Variants in GMEB1 observed in about 807,000 individuals in gnomAD.
GMEB1 encodes the protein glucocorticoid modulatory element binding protein 1.
Under a neutral mutation model 52.4 loss-of-function variants are expected in GMEB1, and 6 were observed. That is an observed-to-expected ratio of 0.11 (90% CI 0.06 to 0.23). The LOEUF is 0.23. Ranked by LOEUF, GMEB1 falls within the 10% of genes least tolerant of loss-of-function variation. The probability of loss-of-function intolerance (pLI) is 1.00; values close to 1 mark genes in which losing one functional copy is unlikely to be tolerated. For missense variants in GMEB1, 486 were observed against 685.6 expected, an observed-to-expected ratio of 0.71 and a Z score of 3.25; for synonymous variants, 255 against 244.9, an observed-to-expected ratio of 1.04 and a Z score of -0.38.
At position 28,690,206 on chromosome 1, in the gene GMEB1, T is replaced by C; in HGVS notation, c.211+20T>C. ...GGATTGGTAAGGGTTTTTTTGTGTT[T>C]TTTTTTTTTTTTTTTTTTGTCATTC... is the stretch of plus-strand genomic sequence containing the variant. On this transcript the variant is annotated intron_variant, in intron 3 of 9. Coordinates refer to ENST00000373816, the MANE Select transcript of GMEB1 (RefSeq NM_001319674.2). The C allele has an allele frequency of 1.2e-6, 1 of 828,696 alleles. No homozygotes were observed. Among genetic ancestry groups the C allele is most frequent in the Non-Finnish European group, 1.8e-6 (1 of 559,228 alleles). The allele number at this position is 828,696 out of a possible 1,614,324, so 51.3% of individuals were successfully genotyped here.
At position 28,702,407 on chromosome 1, in the gene GMEB1, A is replaced by C. The variant is rs776786482; in HGVS notation, c.599-31A>C. ...TAGCTATAACTTTTTCGTTAAATTC[A>C]CTGTTCTCACCTCTACTGGACTGTT... On this transcript the variant is annotated intron_variant, in intron 6 of 9. Transcript: ENST00000373816. The C allele has an allele frequency of 2.5e-6, 4 of 1,597,412 alleles. No individual in the cohort carries two copies. In the South Asian group the frequency reaches 4.4e-5, roughly 18 times the overall value.
chr1:28,671,586 C>CA (rs1668886261), intron 1 of GMEB1, among the ~76,000 whole-genome samples: 1 of 151,812 alleles, frequency 6.6e-6, no homozygotes, highest in East Asian at 1.9e-4. Flanking sequence ...CAAAAAATGA[C>CA]AAAAATTAGA....
At position 28,683,688 on chromosome 1, in the gene GMEB1, C is replaced by T; in HGVS notation, c.76C>T (p.Pro26Ser). 6.2e-7 allele frequency: 1 copy of T among 1,611,802 alleles called. No individual in the cohort carries two copies. Among genetic ancestry groups the T allele is most frequent in the Non-Finnish European group, 8.5e-7 (1 of 1,179,070 alleles). The change falls in exon 2 of 10, where the codon CCT becomes TCT. Residue 26 changes from proline to serine, a missense_variant. Pro to Ser is a moderately conservative substitution (Grantham distance 74, BLOSUM62 -1). This residue lies in a region of GMEB1 where 88 missense variants were observed against 96.5 expected (regional missense o/e 0.91). Transcript: ENST00000373816. ...TACTGAAGGAAATGAAGGGGAGAAT[C>T]CTGAAGACACTAAAACCCAAGTGAT... ...VPTEGNEGEN[P>S]EDTKTQVILQ... is the part of the protein sequence containing the mutation.
intron 6 of GMEB1, among the ~76,000 whole-genome samples, chr1:28,700,941 A>G (rs543142261): frequency 6.6e-6 from 1 of 152,164 alleles, no homozygotes; most frequent in African/African-American, 2.4e-5. Context: ...TTTCCCAACC[A>G]AACATGGATG....
chr1:28,675,684 A>G (rs1294104989), intron 1 of GMEB1, among the ~76,000 whole-genome samples: 1 of 151,678 alleles, frequency 6.6e-6, no homozygotes, highest in Non-Finnish European at 1.5e-5. Context: ...TGTCTCAAAA[A>G]AAAAAAAAAA....
intron 1 of GMEB1, among the ~76,000 whole-genome samples, chr1:28,672,858 G>A (rs781150114): frequency 1.3e-5 from 2 of 150,276 alleles, no homozygotes; most frequent in Non-Finnish European, 2.9e-5. Flanking sequence ...TCCTGCCTCA[G>A]CCTCCCGAGT....
At chr1:28,681,217 G>C (rs9426394) in intron 1 of GMEB1, among the ~76,000 whole-genome samples, 1 of 152,104 alleles carries the variant, frequency 6.6e-6, no homozygotes, top group South Asian at 2.1e-4. Context: ...CCCCAAGGAA[G>C]TGATGTTTCA....
At chr1:28,708,058 C>T (rs753988572) in intron 8 of GMEB1, among the ~76,000 whole-genome samples, 1 of 152,184 alleles carries the variant, frequency 6.6e-6, no homozygotes, top group Non-Finnish European at 1.5e-5. Context: ...ACCACCACAC[C>T]TGGCTAATAT....
rs369717346 is a variant in GMEB1 at position 28,710,668 on chromosome 1, C to T, written c.991+26C>T. On this transcript the variant is annotated intron_variant, in intron 9 of 9. Transcript: ENST00000373816. ...GTATGTATAAGTTATCGCTCTTCTT[C>T]GGTGATATCATGCTAATATTCTTGT... 49 of 1,464,892 alleles carry T rather than the reference C, an allele frequency of 3.3e-5. No individual in the cohort carries two copies. In the African/African-American group the frequency reaches 3.7e-4, roughly 11 times the overall value. 90.7% of individuals were successfully genotyped at this position (1,464,892 alleles called of 1,614,324 possible). A position where few individuals can be genotyped will look rare whatever the true frequency, so the allele number is the denominator to read the frequency against.
chr1:28,675,019 T>TTC, intron 1 of GMEB1, among the ~76,000 whole-genome samples: 1 of 39,652 alleles, frequency 2.5e-5, no homozygotes, highest in African/African-American at 8.0e-5. Flanking sequence ...GCGCCCGGCC[T>TTC]TTTTTTTTTT....
At chr1:28,708,436 T>C (rs2124579535) in intron 8 of GMEB1, among the ~76,000 whole-genome samples, 1 of 151,820 alleles carries the variant, frequency 6.6e-6, no homozygotes, top group African/African-American at 2.4e-5. Flanking sequence ...AGTGCTGGGA[T>C]TACAGGCATG....
In GMEB1 at chr1:28,702,511, C is replaced by T. The variant is rs559934234; in HGVS notation, c.672C>T (p.Thr224=). The part of the protein sequence containing the change: ...EAGLEWNSAL[T]AAVTMATEEG... ...GGCTGGAATGGAACTCAGCTCTCAC[C>T]GCTGCTGTCACCATGGCCACGGAGG... Residue 224 remains threonine, a synonymous_variant, in exon 7 of 10, where the codon ACC becomes ACT. Coordinates refer to ENST00000373816, the MANE Select transcript of GMEB1 (RefSeq NM_001319674.2). 2.2e-5 allele frequency: 35 copies of T among 1,613,502 alleles called. No homozygotes were observed. Among genetic ancestry groups the T allele is most frequent in the South Asian group, 4.4e-5 (4 of 91,072 alleles).
Position 28,717,613 on chromosome 1 carries a change from C to T in GMEB1, c.*2840C>T, listed in dbSNP as rs1671308631. The T allele has an allele frequency of 6.6e-6, 1 of 152,224 alleles. No individual in the cohort carries two copies. The highest frequency in any genetic ancestry group is 2.4e-5 in the African/African-American group (1 of 41,458). The allele number at this position is 152,224 out of a possible 1,614,324, so 9.4% of individuals were successfully genotyped here. A position where few individuals can be genotyped will look rare whatever the true frequency, so the allele number is the denominator to read the frequency against. On this transcript the variant is annotated 3_prime_UTR_variant, in exon 10 of 10. Transcript: ENST00000373816. ...AATAGACTTAGCAATCAATTTAGAACAAATATTTGGCCCTTAATATATCTT... is the reference window on the plus strand; with the variant it reads ...AATAGACTTAGCAATCAATTTAGAATAAATATTTGGCCCTTAATATATCTT...
chr1:28,697,576 G>T (rs1670285676), intron 6 of GMEB1, among the ~76,000 whole-genome samples: 2 of 152,110 alleles, frequency 1.3e-5, no homozygotes. Flanking sequence ...GGTAATCTTG[G>T]ATGGGATTCC....
intron 1 of GMEB1, among the ~76,000 whole-genome samples, chr1:28,674,440 C>G (rs1375944352): frequency 6.6e-6 from 1 of 151,932 alleles, no homozygotes; most frequent in African/African-American, 2.4e-5. Flanking sequence ...CCCTCTGTTC[C>G]CCATGTACAA....
intron 3 of GMEB1, among the ~76,000 whole-genome samples, chr1:28,690,629 C>A (rs1376829911): frequency 6.6e-6 from 1 of 152,056 alleles, no homozygotes; most frequent in Non-Finnish European, 1.5e-5. Context: ...AGTCAGTTAG[C>A]CTTTCTGAAG....
At position 28,692,016 on chromosome 1, in the gene GMEB1, C is replaced by CTTT. The variant is rs1263190636; in HGVS notation, c.336+319_336+321dup. 6.6e-3 allele frequency among the ~76,000 whole-genome samples: 887 copies of CTTT among 133,962 alleles called. 16 individuals carry two copies. Among genetic ancestry groups the CTTT allele is most frequent in the African/African-American group, 0.024 (855 of 36,350 alleles). 87.9% of individuals were successfully genotyped at this position (133,962 alleles called of 152,430 possible). ...GGCAAAATGGTGAGACCTTGGCTTTCTTTTTTTTTTTTTTCAGACAGTGAC... is the reference window on the plus strand; with the variant it reads ...GGCAAAATGGTGAGACCTTGGCTTTCTTTTTTTTTTTTTTTTTCAGACAGTGAC... On this transcript the variant is annotated intron_variant, in intron 4 of 9. Coordinates refer to ENST00000373816, the MANE Select transcript of GMEB1 (RefSeq NM_001319674.2).
chr1:28,683,447 A>G (rs1325348639), intron 1 of GMEB1, 136 bp from the exon 2 acceptor site: 1 of 622,054 alleles, frequency 1.6e-6, no homozygotes, highest in African/African-American at 1.9e-5. Context: ...CTGGTCTTGA[A>G]CTCCCAACCT....
rs772064148 is a variant in GMEB1, at chr1:28,707,900, A to ATTT, written c.869-2607_869-2605dup. On this transcript the variant is annotated intron_variant, in intron 8 of 9. Transcript: ENST00000373816. ...GAAGCAATTAACACAAATACTGACAATTTTTTTTTTTTTTTGGAGACAGGG... is the reference window on the plus strand; with the variant it reads ...GAAGCAATTAACACAAATACTGACAATTTTTTTTTTTTTTTTTTGGAGACAGGG... Among the ~76,000 whole-genome samples the ATTT allele has an allele frequency of 3.3e-3, 477 of 144,234 alleles. 3 individuals carry two copies. Among genetic ancestry groups the ATTT allele is most frequent in the African/African-American group, 0.012 (462 of 39,544 alleles). 94.6% of individuals were successfully genotyped at this position (144,234 alleles called of 152,430 possible). A position where few individuals can be genotyped will look rare whatever the true frequency, so the allele number is the denominator to read the frequency against.
Sources: gnomAD v4.1 joint callset for allele counts (sites outside exome capture counted in the v4.1 genomes callset) on GRCh38, gnomAD v4.1.1 for gene constraint, gnomAD v4.1.1 regional missense constraint, MANE v1.5 for transcripts, NCBI Gene and HGNC (gene_info 2026-07-23, HGNC 2026-07-21) for gene names.